The following OLFML2A variants were observed in gnomAD, a reference collection of about 807,000 sequenced individuals.
The protein encoded by OLFML2A is olfactomedin like 2A.
A neutral mutation model predicts 60.9 loss-of-function variants in OLFML2A; 47 were observed. The ratio of observed to expected loss-of-function variants is 0.77; its 90% CI spans 0.61 to 0.98. OLFML2A has a LOEUF of 0.98. Among genes scored for constraint, OLFML2A ranks in the 50% least tolerant of loss-of-function variants. OLFML2A has a pLI of 0.00. For synonymous variants in OLFML2A, 372 were observed against 375.0 expected (o/e 0.99, Z 0.09); for missense variants, 922 against 879.8 (o/e 1.05, Z -0.61).
In OLFML2A at chr9:124,810,688, C is replaced by T. The variant is rs111518563; in HGVS notation, c.*276C>T. The T allele has an allele frequency of 6.5e-5, 31 of 477,736 alleles. No homozygotes were observed. Among genetic ancestry groups the T allele is most frequent in the African/African-American group, 1.9e-4 (10 of 51,658 alleles). The allele number at this position is 477,736 out of a possible 1,614,324, so 29.6% of individuals were successfully genotyped here. ...AGAGATCATGAACCCATTTAACAGA[C>T]GAGGAGACAGGCTCAGAGAGGCACC... On this transcript the variant is annotated 3_prime_UTR_variant, in exon 8 of 8. Coordinates refer to ENST00000373580, the MANE Select transcript of OLFML2A (RefSeq NM_182487.4).
In OLFML2A at chr9:124,810,436, A is replaced by G. The variant is rs1181856922; in HGVS notation, c.*24A>G. Reference sequence around the variant, plus strand: ...GAGTGGAGACCTGTGCTCCCCGGAGAGGGGCAGCAGTGCGGGAGGGGCTTT... The same window carrying G: ...GAGTGGAGACCTGTGCTCCCCGGAGGGGGGCAGCAGTGCGGGAGGGGCTTT... On this transcript the variant is annotated 3_prime_UTR_variant, in exon 8 of 8. Transcript: ENST00000373580. The G allele has an allele frequency of 3.2e-6, 5 of 1,570,498 alleles. No homozygotes were observed. The East Asian group carries it at 1.1e-4, about 35-fold the overall frequency.
chr9:124,788,184 C>A (rs1342150569), intron 2 of OLFML2A, among the ~76,000 whole-genome samples: 4 of 152,012 alleles, frequency 2.6e-5, no homozygotes, highest in Non-Finnish European at 5.9e-5. Context: ...TGCCTGTAAT[C>A]CCAGCTAGTC....
At chr9:124,804,867 C>A (rs950095837) in intron 6 of OLFML2A, among the ~76,000 whole-genome samples, 1 of 151,964 alleles carries the variant, frequency 6.6e-6, no homozygotes, top group Non-Finnish European at 1.5e-5. Flanking sequence ...CGCCACCACA[C>A]CTGGCTAATT....
intron 1 of OLFML2A, among the ~76,000 whole-genome samples, chr9:124,778,084 G>A (rs559602944): frequency 6.6e-6 from 1 of 152,306 alleles, no homozygotes; most frequent in East Asian, 1.9e-4. Flanking sequence ...ACTAGGCCGG[G>A]CGCGGTGGCT....
intron 2 of OLFML2A, among the ~76,000 whole-genome samples, chr9:124,792,915 C>T (rs1564284048): frequency 8.3e-6 from 1 of 120,014 alleles, no homozygotes; most frequent in South Asian, 2.7e-4. Context: ...CCAGGGGTCC[C>T]ATGCAGACCC....
rs4838216 is a variant in OLFML2A, at chr9:124,813,817, A to G, written c.*3405A>G. 0.98 allele frequency: 149,109 copies of G among 152,338 alleles called. 73,048 individuals are homozygous for G. The highest frequency in any genetic ancestry group is 1 in the East Asian group (5,188 of 5,188). The allele number at this position is 152,338 out of a possible 1,614,324, so 9.4% of individuals were successfully genotyped here. ...AACTGGAACCAGCCCACAACTGCACACTTGTGAGCTGTCATGGAAACCTGA... is the reference window on the plus strand; with the variant it reads ...AACTGGAACCAGCCCACAACTGCACGCTTGTGAGCTGTCATGGAAACCTGA... On this transcript the variant is annotated 3_prime_UTR_variant, in exon 8 of 8. Coordinates refer to ENST00000373580, the MANE Select transcript of OLFML2A (RefSeq NM_182487.4).
At position 124,780,964 on chromosome 9, in the gene OLFML2A, C is replaced by G. The variant is rs150937689; in HGVS notation, c.90+3604C>G. Among the ~76,000 whole-genome samples the G allele has an allele frequency of 4.7e-3, 713 of 152,338 alleles. 5 individuals carry two copies. The highest frequency in any genetic ancestry group is 0.016 in the African/African-American group (666 of 41,570). ...GATAGGCTGGGGAGCCGGAAAGCGTCTGAACCATCGGGTTAGAGCAGGACC... is the reference window on the plus strand; with the variant it reads ...GATAGGCTGGGGAGCCGGAAAGCGTGTGAACCATCGGGTTAGAGCAGGACC... On this transcript the variant is annotated intron_variant, in intron 1 of 7. Transcript: ENST00000373580.
At chr9:124,780,658 A>G (rs539937292) in intron 1 of OLFML2A, among the ~76,000 whole-genome samples, 4 of 152,204 alleles carry the variant, frequency 2.6e-5, no homozygotes, top group Non-Finnish European at 5.9e-5. Context: ...GCCAAGCCCT[A>G]CTGGGTGTCT....
intron 5 of OLFML2A, among the ~76,000 whole-genome samples, chr9:124,803,402 A>G (rs913307674): frequency 6.6e-6 from 1 of 151,986 alleles, no homozygotes; most frequent in Non-Finnish European, 1.5e-5. Flanking sequence ...AGCTGGGACT[A>G]CAGGGGCCCA....
chr9:124,795,707 G>A (rs769462732), intron 3 of OLFML2A, among the ~76,000 whole-genome samples: 15 of 152,280 alleles, frequency 9.9e-5, no homozygotes, highest in Non-Finnish European at 2.2e-4. Context: ...CCTGGGAAGC[G>A]GAGGTTGCAG....
At chr9:124,807,739 TG>T (rs1160852338) in intron 6 of OLFML2A, 41 bp from the exon 7 acceptor site, 1 of 1,524,148 alleles carries the variant, frequency 6.6e-7, no homozygotes, top group African/African-American at 1.4e-5. Context: ...CTGGGGGGCT[TG>T]GGGGTCTGTG....
Position 124,810,208 on chromosome 9 carries a change from G to C in OLFML2A, c.1755G>C (p.Leu585=), listed in dbSNP as rs753559501. Residue 585 remains leucine, a synonymous_variant, in exon 8 of 8, where the codon CTG becomes CTC. Transcript: ENST00000373580. ...ACTGCTTCCTGGTGTGCGGCATCCT[G>C]TATGCCGTGGACACGTACAACCAGC... is the stretch of plus-strand genomic sequence containing the variant. ...YGNCFLVCGI[L]YAVDTYNQQE... 1.9e-6 allele frequency: 3 copies of C among 1,613,732 alleles called. No individual in the cohort carries two copies. Among genetic ancestry groups the C allele is most frequent in the Non-Finnish European group, 2.5e-6 (3 of 1,180,016 alleles).
chr9:124,799,195 G>A, intron 3 of OLFML2A, 90 bp from the exon 4 acceptor site: 1 of 940,024 alleles, frequency 1.1e-6, no homozygotes, highest in South Asian at 1.5e-5. Context: ...GGGCAGCAAA[G>A]CCTAATGACC....
Position 124,779,672 on chromosome 9 carries a change from C to A in OLFML2A, c.90+2312C>A, listed in dbSNP as rs1361340658. ...AGCCCTCCCCCAGACACCTCCCACC[C>A]CCAAACCACTTCAGCCAGCTGGGAA... is the stretch of plus-strand genomic sequence containing the variant. On this transcript the variant is annotated intron_variant, in intron 1 of 7. Coordinates refer to ENST00000373580, the MANE Select transcript of OLFML2A (RefSeq NM_182487.4). This position sits in a 1 kb window ranked among gnomAD's most constrained non-coding sequence, Gnocchi z 4.1. Among the ~76,000 whole-genome samples, 1 of 152,018 alleles carries A rather than the reference C, an allele frequency of 6.6e-6. No individual in the cohort carries two copies. The highest frequency in any genetic ancestry group is 1.5e-5 in the Non-Finnish European group (1 of 67,998).
Position 124,777,323 on chromosome 9 carries a change from T to C in OLFML2A, c.53T>C (p.Leu18Pro). The C allele has an allele frequency of 7.7e-7, 1 of 1,296,040 alleles. No individual in the cohort carries two copies. Among genetic ancestry groups the C allele is most frequent in the Non-Finnish European group, 9.8e-7 (1 of 1,016,672 alleles). 80.3% of individuals were successfully genotyped at this position (1,296,040 alleles called of 1,614,324 possible). The change falls in exon 1 of 8, where the codon CTG becomes CCG. Residue 18 changes from leucine to proline, a missense_variant. Physicochemically the swap from Leu to Pro is moderately conservative, Grantham distance 98. Coordinates refer to ENST00000373580, the MANE Select transcript of OLFML2A (RefSeq NM_182487.4). The surrounding 1 kb of genome is among the most constrained non-coding windows in gnomAD (Gnocchi z 6.2). ...PRPLLLLPLV[L>P]LLSGRPTRAD... ...CCGCTGCTCCTTCTGCCGCTAGTGC[T>C]GCTGCTGAGCGGCCGCCCCACGCGC...
chr9:124,799,172 C>A (rs747661577), intron 3 of OLFML2A, 113 bp from the exon 4 acceptor site: 35 of 740,146 alleles, frequency 4.7e-5, no homozygotes, highest in Non-Finnish European at 8.0e-5. Flanking sequence ...GCCCCTAGCC[C>A]GTTCGGGGGA....
At chr9:124,780,769 A>C (rs1399189947) in intron 1 of OLFML2A, among the ~76,000 whole-genome samples, 2 of 152,186 alleles carry the variant, frequency 1.3e-5, no homozygotes, top group Non-Finnish European at 2.9e-5. Flanking sequence ...CAGCACTTAC[A>C]TGCAGAATCT....
intron 2 of OLFML2A, among the ~76,000 whole-genome samples, chr9:124,790,486 A>T (rs745544830): frequency 6.6e-6 from 1 of 152,140 alleles, no homozygotes; most frequent in Non-Finnish European, 1.5e-5. Context: ...GAACCCAGGA[A>T]TTCTCTACTT....
At chr9:124,786,577 C>G (rs923641361) in intron 1 of OLFML2A, among the ~76,000 whole-genome samples, 5 of 151,468 alleles carry the variant, frequency 3.3e-5, no homozygotes, top group Non-Finnish European at 7.4e-5. Flanking sequence ...AAAAATTAGC[C>G]GGGCGTGATG....
Sources: allele counts gnomAD v4.1 joint callset (sites outside exome capture counted in the v4.1 genomes callset), GRCh38; gene constraint gnomAD v4.1.1; non-coding constraint Gnocchi (gnomAD v3.1); transcripts MANE v1.5; gene names NCBI Gene and HGNC (gene_info 2026-07-23, HGNC 2026-07-21).